SLC35F4: variants seen among roughly 807,000 people sequenced by gnomAD.
SLC35F4 encodes the protein solute carrier family 35 member F4, also known as chromosome 14 open reading frame 36.
A neutral mutation model predicts 44.2 loss-of-function variants in SLC35F4; 24 were observed. The ratio of observed to expected loss-of-function variants is 0.54; its 90% confidence interval spans 0.39 to 0.76. The LOEUF (loss-of-function observed/expected upper bound fraction) is 0.76. Among genes scored for constraint, SLC35F4 ranks in the 30% least tolerant of loss-of-function variants. The probability of loss-of-function intolerance (pLI) is 0.00; values close to 1 mark genes in which losing one functional copy is unlikely to be tolerated. For synonymous variants in SLC35F4, 238 were observed against 223.6 expected (o/e 1.06, Z -0.57); for missense variants, 562 against 586.1 (o/e 0.96, Z 0.42).
rs369009736 is a variant in SLC35F4, at chr14:57,696,941, G to T, written c.104-102817C>A. Among the ~76,000 whole-genome samples, 7 of 152,102 alleles carry T rather than the reference G, an allele frequency of 4.6e-5. No homozygotes were observed. In the East Asian group the frequency reaches 7.7e-4, roughly 17 times the overall value. On this transcript the variant is annotated intron_variant, in intron 1 of 7. Transcript: ENST00000556826. ...CCGGGGTTGTGGGGGAAAGGGGAGG[G>T]AGAGCATTAGGACAAATACTTAATG...
At chr14:57,739,211 A>C (rs1052961236) in intron 1 of SLC35F4, among the ~76,000 whole-genome samples, 1 of 152,090 alleles carries the variant, frequency 6.6e-6, no homozygotes, top group African/African-American at 2.4e-5. Flanking sequence ...AATCATTTCA[A>C]CTTCTCTTGG....
At chr14:57,819,314 C>A (rs1215925373) in intron 1 of SLC35F4, among the ~76,000 whole-genome samples, 3 of 151,860 alleles carry the variant, frequency 2.0e-5, no homozygotes, top group African/African-American at 7.3e-5. Context: ...TATTATACAA[C>A]TGTATGGGGA....
At chr14:57,693,701 T>G (rs1050477493) in intron 1 of SLC35F4, among the ~76,000 whole-genome samples, 6 of 152,172 alleles carry the variant, frequency 3.9e-5, no homozygotes, top group African/African-American at 1.4e-4. Flanking sequence ...GACCCCTGAT[T>G]TCCCACTCCA....
intron 1 of SLC35F4, among the ~76,000 whole-genome samples, chr14:57,662,976 G>C (rs948466163): frequency 1.3e-5 from 2 of 152,160 alleles, no homozygotes; most frequent in Non-Finnish European, 2.9e-5. Flanking sequence ...AACTCCCAAT[G>C]GGTGTTCCTC....
At chr14:57,666,357 T>G (rs2074309024) in intron 1 of SLC35F4, among the ~76,000 whole-genome samples, 1 of 151,530 alleles carries the variant, frequency 6.6e-6, no homozygotes, top group South Asian at 2.1e-4. Flanking sequence ...GGTACAACTA[T>G]AAATCAATGA....
At position 57,594,043 on chromosome 14, in the gene SLC35F4, G is replaced by A. The variant is rs1594981021; in HGVS notation, c.185C>T (p.Ser62Phe). The A allele has an allele frequency of 3.1e-6, 5 of 1,613,900 alleles. No homozygotes were observed. Among genetic ancestry groups the A allele is most frequent in the Non-Finnish European group, 4.2e-6 (5 of 1,179,858 alleles). ...SSHSGISRQL[S>F]PLSVTEDSSA... Reference sequence around the variant, plus strand: ...GGAATCTTCGGTGACAGACAGTGGGGACAGTTGTCTACTGATGCCACTGTG... The same window carrying A: ...GGAATCTTCGGTGACAGACAGTGGGAACAGTTGTCTACTGATGCCACTGTG... The change falls in exon 2 of 8, where the codon TCC (serine) becomes TTC (phenylalanine). Residue 62 changes from serine (S) to phenylalanine (F), a missense_variant. Coordinates refer to ENST00000556826, the MANE Select transcript of SLC35F4 (RefSeq NM_001306087.2).
chr14:57,694,889 G>A (rs1443136489), intron 1 of SLC35F4, among the ~76,000 whole-genome samples: 1 of 151,962 alleles, frequency 6.6e-6, no homozygotes, highest in African/African-American at 2.4e-5. Flanking sequence ...TAGTAGCCTT[G>A]ATAAATTCTC....
At chr14:57,866,392 C>G (rs987664336), upstream of SLC35F4, among the ~76,000 whole-genome samples, 2 of 152,170 alleles carry the variant, frequency 1.3e-5, no homozygotes, top group African/African-American at 4.8e-5. Flanking sequence ...GGGACTCGGT[C>G]CACGCTTGGC....
intron 1 of SLC35F4, among the ~76,000 whole-genome samples, chr14:57,699,421 CT>C (rs1213132355): frequency 2.0e-5 from 3 of 152,118 alleles, no homozygotes; most frequent in Non-Finnish European, 4.4e-5. Context: ...TTCAAGAGAA[CT>C]CTGCTCAGCA....
In SLC35F4 at chr14:57,571,998, T is replaced by C. The variant is rs935593621; in HGVS notation, c.829A>G (p.Ile277Val). The C allele has an allele frequency of 9.3e-6, 15 of 1,610,582 alleles. No homozygotes were observed. The highest frequency in any genetic ancestry group is 5.0e-5 in the Admixed American group (3 of 59,618). The change falls in exon 5 of 8, where the codon ATT (isoleucine) becomes GTT (valine). Residue 277 changes from isoleucine to valine, a missense_variant. Coordinates refer to ENST00000556826, the MANE Select transcript of SLC35F4 (RefSeq NM_001306087.2). ...GVRIVAAIMA[I>V]TGIVMMAYAD... ...TATGCCATCATGACAATGCCGGTAA[T>C]TGCCATTATTGCAGCAACTATCTGT...
At chr14:57,928,450 T>A (rs777727942) in intron 1 of SLC35F4, among the ~76,000 whole-genome samples, 3 of 152,150 alleles carry the variant, frequency 2.0e-5, no homozygotes, top group Non-Finnish European at 4.4e-5. Flanking sequence ...GAGCCGGAAC[T>A]CCCACACCCA....
chr14:57,895,589 T>A lies in SLC35F4; in HGVS notation n.282+86324A>T, dbSNP rs571080640. Reference sequence around the variant, plus strand: ...TTCTCTCTCGCTCTCTCACTCTCTCTCTCTCTCTCTCTCTGTCTCTCTCTG... The same window carrying A: ...TTCTCTCTCGCTCTCTCACTCTCTCACTCTCTCTCTCTCTGTCTCTCTCTG... On this transcript the variant is annotated intron_variant and non_coding_transcript_variant, in intron 1 of 1. Transcript: ENST00000556568. 4.6e-5 allele frequency among the ~76,000 whole-genome samples: 7 copies of A among 151,916 alleles called. No homozygotes were observed. In the South Asian group the frequency reaches 1.5e-3, roughly 32 times the overall value.
chr14:57,975,289 C>T (rs1566522626), downstream of SLC35F4, among the ~76,000 whole-genome samples: 2 of 152,194 alleles, frequency 1.3e-5, no homozygotes, highest in African/African-American at 2.4e-5. Flanking sequence ...TACCCTGATA[C>T]CAAACCCTAC....
rs560642469 is a variant in SLC35F4, at chr14:57,695,357, G to A, written c.104-101233C>T. Among the ~76,000 whole-genome samples, 783 of 151,286 alleles carry A rather than the reference G, an allele frequency of 5.2e-3. 1 individual carries two copies. The highest frequency in any genetic ancestry group is 8.9e-3 in the African/African-American group (368 of 41,384). On this transcript the variant is annotated intron_variant, in intron 1 of 7. Transcript: ENST00000556826. ...CAAACAACCCCATCAAAAAGTGGGC[G>A]AAGCACATGAACAGACACTTCTCAA...
At chr14:57,721,303 C>T (rs965376854) in intron 1 of SLC35F4, among the ~76,000 whole-genome samples, 6 of 151,964 alleles carry the variant, frequency 3.9e-5, no homozygotes, top group Admixed American at 6.6e-5. Flanking sequence ...CCTGATTTAT[C>T]GCTCATGAGA....
At chr14:57,877,170 C>T (rs1450510123) in intron 1 of SLC35F4, among the ~76,000 whole-genome samples, 1 of 152,172 alleles carries the variant, frequency 6.6e-6, no homozygotes, top group Admixed American at 6.5e-5. Context: ...ACCGTCCACT[C>T]TCAAGCAGGC....
In SLC35F4 at chr14:57,937,650, GAAAAA is replaced by G. The variant is rs1240817949; in HGVS notation, n.282+44258_282+44262del. Among the ~76,000 whole-genome samples the G allele has an allele frequency of 6.2e-3, 697 of 111,628 alleles. 4 individuals are homozygous for G. The highest frequency in any genetic ancestry group is 0.023 in the African/African-American group (583 of 25,664). The allele number at this position is 111,628 out of a possible 152,430, so 73.2% of individuals were successfully genotyped here. Reference sequence around the variant, plus strand: ...GAAAAGAAAAGAAAAGAAAAGAAAAGAAAAAAGAAAAGAAAAAGATATCACAAAGG... The same window carrying G: ...GAAAAGAAAAGAAAAGAAAAGAAAAGAGAAAAGAAAAAGATATCACAAAGG... On this transcript the variant is annotated intron_variant and non_coding_transcript_variant, in intron 1 of 1. Coordinates refer to the SLC35F4 transcript ENST00000556568.
intron 1 of SLC35F4, among the ~76,000 whole-genome samples, chr14:57,900,243 G>A (rs1034227750): frequency 1.3e-5 from 2 of 152,186 alleles, no homozygotes; most frequent in African/African-American, 4.8e-5. Flanking sequence ...CCTCTCAGTG[G>A]CAGAACTTTC....
intron 1 of SLC35F4, among the ~76,000 whole-genome samples, chr14:57,798,158 AC>A (rs138536797): frequency 0.011 from 1,599 of 149,428 alleles, 29 homozygotes; most frequent in African/African-American, 0.037. Context: ...ATTGTGATAG[AC>A]CACTGAGGTT....
Sources: gnomAD v4.1 joint callset for allele counts (sites outside exome capture counted in the v4.1 genomes callset) on GRCh38, gnomAD v4.1.1 for gene constraint, MANE v1.5 for transcripts, NCBI Gene and HGNC (gene_info 2026-07-23, HGNC 2026-07-21) for gene names.